The following ITGA8 variants were observed in gnomAD, a reference collection of about 807,000 sequenced individuals.
ITGA8 encodes integrin alpha-8.
ITGA8 carries 91 observed loss-of-function variants against 142.3 expected under a neutral mutation model. The observed-to-expected ratio is 0.64, with a 90% CI of 0.54 to 0.76. The LOEUF (loss-of-function observed/expected upper bound fraction) is 0.76. Ranked by LOEUF, ITGA8 falls within the 30% of genes least tolerant of loss-of-function variation. ITGA8 has a pLI of 0.00. For synonymous variants in ITGA8, 505 were observed against 485.2 expected, an observed-to-expected ratio of 1.04 and a Z score of -0.54; for missense variants, 1,406 against 1,327.7, an observed-to-expected ratio of 1.06 and a Z score of -0.92.
In ITGA8 at chr10:15,650,813, T is replaced by G. The variant is rs12255584; in HGVS notation, c.1002-3762A>C. ...ATTAAAAGAATACAGATTAGTGGAC[T>G]ATATAGTAAATATCAAATCAACCTA... On this transcript the variant is annotated intron_variant, in intron 11 of 29. Coordinates refer to ENST00000378076, the MANE Select transcript of ITGA8 (RefSeq NM_003638.3). Among the ~76,000 whole-genome samples the G allele has an allele frequency of 3.9e-3, 601 of 152,300 alleles. 3 individuals are homozygous for G. The highest frequency in any genetic ancestry group is 0.014 in the African/African-American group (573 of 41,578).
chr10:15,664,851 C>A (rs1423447976), intron 8 of ITGA8, among the ~76,000 whole-genome samples: 1 of 152,026 alleles, frequency 6.6e-6, no homozygotes, highest in Non-Finnish European at 1.5e-5. Flanking sequence ...TGAACTCATC[C>A]TTTTTATGGC....
At chr10:15,678,379 A>G (rs1834672235) in intron 5 of ITGA8, among the ~76,000 whole-genome samples, 1 of 152,174 alleles carries the variant, frequency 6.6e-6, no homozygotes, top group Non-Finnish European at 1.5e-5. Flanking sequence ...TTAACAAAAC[A>G]ATGAATAGAT....
rs780168902 is a variant in ITGA8 at position 15,655,336 on chromosome 10, A to G, written c.1001+18T>C. On this transcript the variant is annotated intron_variant, in intron 11 of 29. Transcript: ENST00000378076. Reference sequence around the variant, plus strand: ...ATGAATGTAATATATTGTATATGAGAGAGGTCTATAAACTTACCCATCACT... The same window carrying G: ...ATGAATGTAATATATTGTATATGAGGGAGGTCTATAAACTTACCCATCACT... The G allele has an allele frequency of 6.7e-6, 10 of 1,489,446 alleles. No individual in the cohort carries two copies. The highest frequency in any genetic ancestry group is 8.4e-6 in the Non-Finnish European group (9 of 1,068,140). The allele number at this position is 1,489,446 out of a possible 1,614,324, so 92.3% of individuals were successfully genotyped here. A position where few individuals can be genotyped will look rare whatever the true frequency, so the allele number is the denominator to read the frequency against.
At chr10:15,656,176 G>A (rs1274674865) in intron 10 of ITGA8, among the ~76,000 whole-genome samples, 3 of 152,126 alleles carry the variant, frequency 2.0e-5, no homozygotes, top group Admixed American at 6.5e-5. Flanking sequence ...ACTTGTGAGT[G>A]CGCTGATGAC....
At chr10:15,711,756 A>G (rs929225539) in intron 2 of ITGA8, among the ~76,000 whole-genome samples, 5 of 152,122 alleles carry the variant, frequency 3.3e-5, no homozygotes, top group Non-Finnish European at 7.4e-5. Flanking sequence ...TGTAATCTAT[A>G]CCTTAATTTT....
chr10:15,540,630 C>A (rs17137373), intron 27 of ITGA8, among the ~76,000 whole-genome samples: 1 of 152,104 alleles, frequency 6.6e-6, no homozygotes, highest in African/African-American at 2.4e-5. Context: ...AGCCAAATGT[C>A]GTAACAAACA....
chr10:15,651,734 G>A (rs180985535), intron 11 of ITGA8, among the ~76,000 whole-genome samples: 204 of 152,174 alleles, frequency 1.3e-3, no homozygotes, highest in Non-Finnish European at 2.3e-3. Flanking sequence ...CCTCACTTCT[G>A]AACCATGAGC....
chr10:15,628,781 C>T (rs1454827517), intron 13 of ITGA8, among the ~76,000 whole-genome samples: 1 of 151,892 alleles, frequency 6.6e-6, no homozygotes, highest in Non-Finnish European at 1.5e-5. Context: ...ATCCTTAATA[C>T]CTTGACTTGC....
At chr10:15,583,866 A>G (rs1189150023) in intron 23 of ITGA8, among the ~76,000 whole-genome samples, 1 of 152,218 alleles carries the variant, frequency 6.6e-6, no homozygotes, top group Non-Finnish European at 1.5e-5. Context: ...CTGACTTTTC[A>G]AAAACCCCAC....
Position 15,519,280 on chromosome 10 carries a change from AT to A in ITGA8, c.3105+9del, listed in dbSNP as rs753130954. On this transcript the variant is annotated intron_variant, in intron 29 of 29. Transcript: ENST00000378076. The stretch of plus-strand genomic sequence containing the variant: ...CTAGTTTAAAAGGAAAACAAAGTAA[AT>A]CAACTTACCTTCCATAAAGCTAAGG... 5.6e-6 allele frequency: 9 copies of A among 1,613,144 alleles called. No homozygotes were observed. The East Asian group carries it at 2.0e-4, about 36-fold the overall frequency.
At chr10:15,551,797 T>G (rs1418891891) in intron 26 of ITGA8, among the ~76,000 whole-genome samples, 1 of 152,186 alleles carries the variant, frequency 6.6e-6, no homozygotes, top group East Asian at 1.9e-4. Flanking sequence ...CATAATCACT[T>G]TCTATCCAGA....
intron 4 of ITGA8, among the ~76,000 whole-genome samples, chr10:15,683,622 A>C (rs2131702872): frequency 6.6e-6 from 1 of 152,372 alleles, no homozygotes. Flanking sequence ...CAAGTTGAAC[A>C]TATGCCCAGG....
chr10:15,527,788 A>G (rs1384898814), intron 28 of ITGA8, among the ~76,000 whole-genome samples: 2 of 152,084 alleles, frequency 1.3e-5, no homozygotes, highest in Non-Finnish European at 2.9e-5. Context: ...TAGTAGTCTC[A>G]TTATAGAAGA....
rs763680331 is a variant in ITGA8 at position 15,584,874 on chromosome 10, T to C, written c.2372+1710A>G. ...GAGTTTGAGACCAGCCTGGCCAACATGGTGAAACCCTGTCTCTACTAAAAA... is the reference window on the plus strand; with the variant it reads ...GAGTTTGAGACCAGCCTGGCCAACACGGTGAAACCCTGTCTCTACTAAAAA... On this transcript the variant is annotated intron_variant, in intron 23 of 29. Coordinates refer to ENST00000378076, the MANE Select transcript of ITGA8 (RefSeq NM_003638.3). Among the ~76,000 whole-genome samples, 88 of 152,168 alleles carry C rather than the reference T, an allele frequency of 5.8e-4. 1 individual carries two copies. The highest frequency in any genetic ancestry group is 1.0e-3 in the Non-Finnish European group (71 of 68,000).
At chr10:15,588,173 G>A (rs1445836502) in intron 22 of ITGA8, among the ~76,000 whole-genome samples, 4 of 152,186 alleles carry the variant, frequency 2.6e-5, no homozygotes, top group Non-Finnish European at 4.4e-5. Context: ...TTCCAAATGC[G>A]AGAGCTGGAA....
intron 11 of ITGA8, among the ~76,000 whole-genome samples, chr10:15,650,609 T>G (rs1217367378): frequency 6.6e-6 from 1 of 152,166 alleles, no homozygotes; most frequent in Non-Finnish European, 1.5e-5. Context: ...CCTCCAGAAG[T>G]ATAAGAAATA....
At chr10:15,570,557 C>T (rs1345573086) in intron 25 of ITGA8, among the ~76,000 whole-genome samples, 1 of 148,684 alleles carries the variant, frequency 6.7e-6, no homozygotes, top group African/African-American at 2.5e-5. Context: ...TTGCAGTGAG[C>T]CGAGATGGCG....
intron 9 of ITGA8, among the ~76,000 whole-genome samples, chr10:15,660,246 G>T (rs1030039317): frequency 1.3e-5 from 2 of 152,112 alleles, no homozygotes; most frequent in African/African-American, 4.8e-5. Context: ...GCTTAGATGG[G>T]TCTCACCCTT....
chr10:15,689,974 C>A (rs1265299682), intron 2 of ITGA8, among the ~76,000 whole-genome samples: 1 of 152,156 alleles, frequency 6.6e-6, no homozygotes, highest in Non-Finnish European at 1.5e-5. Context: ...CTTAAGGGAG[C>A]TTTGGTCCCA....
Sources: gnomAD v4.1 joint callset for allele counts (sites outside exome capture counted in the v4.1 genomes callset) on GRCh38, gnomAD v4.1.1 for gene constraint, MANE v1.5 for transcripts, NCBI Gene and HGNC (gene_info 2026-07-23, HGNC 2026-07-21) for gene names.